Variants in CHIC1 observed in about 807,000 individuals in gnomAD.
The protein encoded by CHIC1 is cysteine rich hydrophobic domain 1.
A neutral mutation model predicts 18.5 loss-of-function variants in CHIC1; 7 were observed. That is an observed-to-expected ratio of 0.38 (90% confidence interval 0.22 to 0.71). The LOEUF (loss-of-function observed/expected upper bound fraction) is 0.71, where lower values mean the gene tolerates loss of function less well. CHIC1 is among the 30% of genes least tolerant of loss of function. The pLI is 0.49. For missense variants in CHIC1, 159 were observed against 176.9 expected (o/e 0.90, Z 0.57); for synonymous variants, 77 against 73.5 (o/e 1.05, Z -0.25).
chrX:73,619,554 G>T (rs1282715938), intron 3 of CHIC1, among the ~76,000 whole-genome samples: 2 of 109,966 alleles, frequency 1.8e-5, no homozygotes, highest in African/African-American at 6.6e-5. Context: ...GTTATATGTT[G>T]TATGTTTAAT....
At chrX:73,660,274 T>A (rs2057973090) in intron 3 of CHIC1, among the ~76,000 whole-genome samples, 1 of 111,827 alleles carries the variant, frequency 8.9e-6, no homozygotes, top group Admixed American at 9.4e-5. Flanking sequence ...AGTGGAGTGA[T>A]ATGTAGTGTT....
chrX:73,564,789 G>C (rs1334431630), intron 1 of CHIC1, among the ~76,000 whole-genome samples: 4 of 85,470 alleles, frequency 4.7e-5, no homozygotes, highest in South Asian at 1.4e-3. Context: ...TTAACATGTT[G>C]AGTTTTTTTT....
intron 5 of CHIC1, among the ~76,000 whole-genome samples, chrX:73,680,326 A>T (rs1224463468): frequency 9.0e-6 from 1 of 111,278 alleles, no homozygotes; most frequent in Non-Finnish European, 1.9e-5. Context: ...ATAAGTAAGG[A>T]TTATTATGGT....
chrX:73,574,727 G>C (rs1171325638), intron 1 of CHIC1, among the ~76,000 whole-genome samples: 1 of 110,491 alleles, frequency 9.1e-6, no homozygotes, highest in East Asian at 2.8e-4. Flanking sequence ...GTTCATAATA[G>C]TTATACGAAT....
intron 3 of CHIC1, among the ~76,000 whole-genome samples, chrX:73,648,907 C>T (rs1002653060): frequency 4.5e-5 from 5 of 111,236 alleles, no homozygotes; most frequent in Admixed American, 1.9e-4. Flanking sequence ...ATCAGACTCT[C>T]CAAGGTCAAA....
intron 3 of CHIC1, among the ~76,000 whole-genome samples, chrX:73,629,446 T>C (rs1411395640): frequency 8.9e-6 from 1 of 112,166 alleles, no homozygotes; most frequent in African/African-American, 3.2e-5. Context: ...TTAAGTCATG[T>C]TTAAATGTTT....
At chrX:73,641,482 G>T (rs12116333) in intron 3 of CHIC1, among the ~76,000 whole-genome samples, 1 of 110,148 alleles carries the variant, frequency 9.1e-6, no homozygotes, top group Non-Finnish European at 1.9e-5. Context: ...GGTAACCACC[G>T]TTCCACTCTC....
chrX:73,672,390 G>A (rs1267704973), intron 3 of CHIC1, among the ~76,000 whole-genome samples: 1 of 111,490 alleles, frequency 9.0e-6, no homozygotes, highest in Non-Finnish European at 1.9e-5. Context: ...CACCAACAGT[G>A]TAAAAGTGTT....
intron 3 of CHIC1, among the ~76,000 whole-genome samples, chrX:73,672,167 G>A (rs780349851): frequency 1.8e-5 from 2 of 111,639 alleles, no homozygotes; most frequent in African/African-American, 6.5e-5. Context: ...CCAGTCTATT[G>A]TTGTTGGACA....
intron 3 of CHIC1, among the ~76,000 whole-genome samples, chrX:73,602,820 G>T (rs1339007281): frequency 1.8e-5 from 2 of 108,627 alleles, no homozygotes; most frequent in Non-Finnish European, 3.8e-5. Flanking sequence ...AGATCAGGTG[G>T]TTGTAGATGT....
chrX:73,632,382 GTTGT>G (rs1337018576), intron 3 of CHIC1, among the ~76,000 whole-genome samples: 1 of 111,885 alleles, frequency 8.9e-6, no homozygotes, highest in Admixed American at 9.5e-5. Context: ...ATAATAGGGT[GTTGT>G]TTGTTAATGC....
At chrX:73,613,623 A>T (rs948437650) in intron 3 of CHIC1, among the ~76,000 whole-genome samples, 2 of 111,923 alleles carry the variant, frequency 1.8e-5, no homozygotes, top group African/African-American at 6.5e-5. Context: ...GGTTTCCAGT[A>T]TTTTTTATAG....
At chrX:73,643,736 T>C (rs944100229) in intron 3 of CHIC1, among the ~76,000 whole-genome samples, 1 of 112,099 alleles carries the variant, frequency 8.9e-6, no homozygotes, top group African/African-American at 3.2e-5. Flanking sequence ...TTTAAGGACT[T>C]CTCTGCATTG....
chrX:73,572,600 T>C (rs1023268493), intron 1 of CHIC1, among the ~76,000 whole-genome samples: 1 of 111,497 alleles, frequency 9.0e-6, no homozygotes, highest in Non-Finnish European at 1.9e-5. Flanking sequence ...AGTGTCCTCT[T>C]TTCTCAGCAG....
chrX:73,617,618 T>G (rs2057738866), intron 3 of CHIC1, among the ~76,000 whole-genome samples: 1 of 111,739 alleles, frequency 8.9e-6, no homozygotes, highest in African/African-American at 3.3e-5. Flanking sequence ...CAAAAGGCAC[T>G]TACATGGTGG....
At chrX:73,668,282 C>T (rs1184362806) in intron 3 of CHIC1, among the ~76,000 whole-genome samples, 1 of 111,608 alleles carries the variant, frequency 9.0e-6, no homozygotes, top group Non-Finnish European at 1.9e-5. Flanking sequence ...TGATTCTTAG[C>T]TTCTTGGCAT....
rs2058121841 is a variant in CHIC1 at position 73,686,424 on chromosome X, A to G, written c.*5419A>G. 9.0e-6 allele frequency: 1 copy of G among 111,605 alleles called. No homozygotes were observed. Among genetic ancestry groups the G allele is most frequent in the Non-Finnish European group, 1.9e-5 (1 of 52,929 alleles). The allele number at this position is 111,605 out of a possible 1,213,427, so 9.2% of individuals were successfully genotyped here. A position where few individuals can be genotyped will look rare whatever the true frequency, so the allele number is the denominator to read the frequency against. On this transcript the variant is annotated 3_prime_UTR_variant, in exon 6 of 6. Coordinates refer to ENST00000373502, the MANE Select transcript of CHIC1 (RefSeq NM_001039840.4). The stretch of plus-strand genomic sequence containing the variant: ...TACATACACACACATATAGGATTAC[A>G]AATGTGGAAAATGTTATAATGTCAT...
intron 3 of CHIC1, among the ~76,000 whole-genome samples, chrX:73,670,378 C>T (rs2058024133): frequency 9.0e-6 from 1 of 111,587 alleles, no homozygotes; most frequent in Non-Finnish European, 1.9e-5. Context: ...CTTTATTTGG[C>T]TTTTCTCTTT....
chrX:73,581,872 T>C, intron 2 of CHIC1, among the ~76,000 whole-genome samples: 1 of 111,025 alleles, frequency 9.0e-6, no homozygotes, highest in Non-Finnish European at 1.9e-5. Context: ...TCCAGAAGCA[T>C]ATAATAAAAG....
Sources: gnomAD v4.1 joint callset for allele counts (sites outside exome capture counted in the v4.1 genomes callset) on GRCh38, gnomAD v4.1.1 for gene constraint, MANE v1.5 for transcripts, NCBI Gene and HGNC (gene_info 2026-07-23, HGNC 2026-07-21) for gene names.